The following MNAT1 variants were observed in gnomAD, a reference collection of about 807,000 sequenced individuals.
MNAT1 encodes the protein CDK-activating kinase assembly factor MAT1.
MNAT1 carries 43 observed loss-of-function variants against 42.0 expected under a neutral mutation model. That is an observed-to-expected ratio of 1.02 (90% CI 0.80 to 1.32). The LOEUF (loss-of-function observed/expected upper bound fraction) is 1.32. Among genes scored for constraint, MNAT1 ranks in the 40% most tolerant of loss-of-function variants. The probability of loss-of-function intolerance (pLI) is 0.00; values close to 1 mark genes in which losing one functional copy is unlikely to be tolerated. For synonymous variants in MNAT1, 118 were observed against 120.0 expected, an observed-to-expected ratio of 0.98 and a Z score of 0.11; for missense variants, 306 against 350.4, an observed-to-expected ratio of 0.87 and a Z score of 1.01.
At chr14:60,904,871 T>G (rs2035159808) in intron 7 of MNAT1, among the ~76,000 whole-genome samples, 1 of 151,930 alleles carries the variant, frequency 6.6e-6, no homozygotes, top group Non-Finnish European at 1.5e-5. Context: ...CGTGGTAGAA[T>G]TCAGTAGATC....
intron 4 of MNAT1, among the ~76,000 whole-genome samples, chr14:60,810,929 A>C (rs1406709959): frequency 6.6e-6 from 1 of 152,208 alleles, no homozygotes; most frequent in Non-Finnish European, 1.5e-5. Flanking sequence ...CTTCTTTCTG[A>C]AAGTTCCATC....
intron 1 of MNAT1, among the ~76,000 whole-genome samples, chr14:60,791,717 TA>T (rs1322070945): frequency 6.6e-6 from 1 of 152,192 alleles, no homozygotes; most frequent in Non-Finnish European, 1.5e-5. Flanking sequence ...TCTCTACTTT[TA>T]TTAAGATTGT....
chr14:60,946,416 G>T (rs2036277149), intron 7 of MNAT1, among the ~76,000 whole-genome samples: 1 of 152,126 alleles, frequency 6.6e-6, no homozygotes, highest in Admixed American at 6.5e-5. Context: ...TACAAAATTT[G>T]GTGGGTAACT....
In MNAT1 at chr14:60,914,432, A is replaced by G. The variant is rs141889570; in HGVS notation, c.809+34597A>G. Reference sequence around the variant, plus strand: ...CTGCATTGCTCACGCTGGGAGCTGTAGACTGGAGCTGTTCCTATTCGGCCA... The same window carrying G: ...CTGCATTGCTCACGCTGGGAGCTGTGGACTGGAGCTGTTCCTATTCGGCCA... On this transcript the variant is annotated intron_variant, in intron 7 of 7. Coordinates refer to ENST00000261245, the MANE Select transcript of MNAT1 (RefSeq NM_002431.4). 5.0e-3 allele frequency among the ~76,000 whole-genome samples: 766 copies of G among 152,284 alleles called. 10 individuals are homozygous for G. The highest frequency in any genetic ancestry group is 0.017 in the African/African-American group (688 of 41,556).
At chr14:60,834,879 G>A (rs1444738000) in intron 6 of MNAT1, among the ~76,000 whole-genome samples, 2 of 151,844 alleles carry the variant, frequency 1.3e-5, no homozygotes. Context: ...ATTTAGGATA[G>A]TTAGCTCTTC....
At chr14:60,911,353 T>C (rs1387226374) in intron 7 of MNAT1, among the ~76,000 whole-genome samples, 1 of 152,212 alleles carries the variant, frequency 6.6e-6, no homozygotes, top group African/African-American at 2.4e-5. Flanking sequence ...AGTTATGTCT[T>C]GCCTTCTGCT....
At chr14:60,926,652 C>T (rs180747802) in intron 7 of MNAT1, among the ~76,000 whole-genome samples, 56 of 152,244 alleles carry the variant, frequency 3.7e-4, no homozygotes, top group South Asian at 6.2e-4. Context: ...TGACATGCCA[C>T]GCACCCGCCA....
chr14:60,933,555 C>G (rs1420538680), intron 7 of MNAT1, among the ~76,000 whole-genome samples: 1 of 152,018 alleles, frequency 6.6e-6, no homozygotes, highest in African/African-American at 2.4e-5. Flanking sequence ...TAAGGGAGTA[C>G]ATGATTGACA....
At chr14:60,851,964 G>A (rs950644618) in intron 6 of MNAT1, among the ~76,000 whole-genome samples, 2 of 152,118 alleles carry the variant, frequency 1.3e-5, no homozygotes, top group East Asian at 3.9e-4. Flanking sequence ...GTGCGCATTT[G>A]GGTTGGTTCC....
intron 6 of MNAT1, among the ~76,000 whole-genome samples, chr14:60,863,988 A>G (rs2034152831): frequency 6.6e-6 from 1 of 152,084 alleles, no homozygotes; most frequent in Non-Finnish European, 1.5e-5. Context: ...AACATTCATT[A>G]ACAGACAAGC....
chr14:60,882,496 A>G (rs2034573830), intron 7 of MNAT1, among the ~76,000 whole-genome samples: 1 of 152,168 alleles, frequency 6.6e-6, no homozygotes. Flanking sequence ...ATGGACATGT[A>G]GATTGCTTCC....
chr14:60,868,670 A>G (rs1000246952), intron 6 of MNAT1, among the ~76,000 whole-genome samples: 1 of 152,084 alleles, frequency 6.6e-6, no homozygotes, highest in African/African-American at 2.4e-5. Flanking sequence ...AGGTGGTTAT[A>G]TTTGTTGTAT....
At position 60,763,230 on chromosome 14, in the gene MNAT1, A is replaced by T. The variant is rs146438573; in HGVS notation, c.89+28279A>T. Reference sequence around the variant, plus strand: ...ATGATCACACTTATCTTTATCATTTATCTTTAATTAATTTATAGATGAAAT... The same window carrying T: ...ATGATCACACTTATCTTTATCATTTTTCTTTAATTAATTTATAGATGAAAT... On this transcript the variant is annotated intron_variant, in intron 1 of 7. Transcript: ENST00000261245. 1.7e-3 allele frequency among the ~76,000 whole-genome samples: 262 copies of T among 152,316 alleles called. 1 individual carries two copies. The highest frequency in any genetic ancestry group is 6.0e-3 in the African/African-American group (249 of 41,588).
chr14:60,868,985 C>T (rs946024116), intron 6 of MNAT1, among the ~76,000 whole-genome samples: 6 of 146,732 alleles, frequency 4.1e-5, no homozygotes, highest in Middle Eastern at 3.4e-3. Flanking sequence ...CATACTATTA[C>T]ATCACATGAC....
chr14:60,779,886 G>T, intron 1 of MNAT1: 1 of 728,092 alleles, frequency 1.4e-6, no homozygotes, highest in Non-Finnish European at 2.4e-6. Context: ...TGAAACTCTT[G>T]GCGGGGAAGT....
intron 7 of MNAT1, among the ~76,000 whole-genome samples, chr14:60,928,635 A>G (rs534696900): frequency 2.2e-4 from 33 of 152,222 alleles, no homozygotes; most frequent in African/African-American, 7.7e-4. Flanking sequence ...CCATCCATAT[A>G]TCTTCTTTGG....
Position 60,796,255 on chromosome 14 carries a change from C to G in MNAT1, c.128C>G (p.Ala43Gly). The G allele has an allele frequency of 1.2e-6, 2 of 1,612,022 alleles. No homozygotes were observed. The highest frequency in any genetic ancestry group is 1.7e-6 in the Non-Finnish European group (2 of 1,179,078). ...GTAGATTTACTGTTTGTGAGAGGAGCTGGAAACTGCCCTGAGTGTGGTACT... is the reference window on the plus strand; with the variant it reads ...GTAGATTTACTGTTTGTGAGAGGAGGTGGAAACTGCCCTGAGTGTGGTACT... ...SCVDLLFVRG[A>G]GNCPECGTPL... Residue 43 changes from alanine to glycine, a missense_variant, in exon 2 of 8, where the codon GCT becomes GGT. Ala to Gly is a moderately conservative substitution (Grantham distance 60, BLOSUM62 0). Coordinates refer to ENST00000261245, the MANE Select transcript of MNAT1 (RefSeq NM_002431.4).
At chr14:60,783,803 T>C (rs1474059387) in intron 1 of MNAT1, among the ~76,000 whole-genome samples, 2 of 150,952 alleles carry the variant, frequency 1.3e-5, no homozygotes, top group African/African-American at 4.9e-5. Flanking sequence ...CGCCCGGCCT[T>C]TAGTTTTACT....
At chr14:60,858,954 T>C (rs570600205) in intron 6 of MNAT1, among the ~76,000 whole-genome samples, 1 of 152,248 alleles carries the variant, frequency 6.6e-6, no homozygotes, top group African/African-American at 2.4e-5. Context: ...ACTCACTTTA[T>C]GGCAAGGGTC....
Sources: allele counts gnomAD v4.1 joint callset (sites outside exome capture counted in the v4.1 genomes callset), GRCh38; gene constraint gnomAD v4.1.1; transcripts MANE v1.5; gene names NCBI Gene and HGNC (gene_info 2026-07-23, HGNC 2026-07-21).